Variants in TNIK observed in about 807,000 individuals in gnomAD.
TNIK encodes TRAF2 and NCK interacting kinase.
TNIK carries 49 observed loss-of-function variants against 191.3 expected under a neutral mutation model. That is an observed-to-expected ratio of 0.26 (90% CI 0.20 to 0.32). The LOEUF (loss-of-function observed/expected upper bound fraction) is 0.32. TNIK is among the 10% of genes least tolerant of loss of function. The pLI, the probability that TNIK is intolerant of heterozygous loss-of-function variation, is 1.00. For synonymous variants in TNIK, 594 were observed against 600.9 expected (o/e 0.99, Z 0.17); for missense variants, 1,155 against 1,702.3 (o/e 0.68, Z 5.66).
chr3:171,299,213 C>T (rs1479939837), intron 2 of TNIK, among the ~76,000 whole-genome samples: 1 of 152,174 alleles, frequency 6.6e-6, no homozygotes, highest in Non-Finnish European at 1.5e-5. Context: ...CAGCCGCAGG[C>T]TTCTGTGCCA....
intron 2 of TNIK, among the ~76,000 whole-genome samples, chr3:171,301,056 A>C (rs1219218556): frequency 1.3e-5 from 2 of 152,210 alleles, no homozygotes; most frequent in African/African-American, 4.8e-5. Context: ...CTTACTAATT[A>C]CAAAAAAGCA....
intron 2 of TNIK, among the ~76,000 whole-genome samples, chr3:171,256,650 C>A (rs1746916149): frequency 6.6e-6 from 1 of 152,182 alleles, no homozygotes; most frequent in Non-Finnish European, 1.5e-5. Context: ...GGGTGACTAG[C>A]TGAGGAGTCA....
At chr3:171,271,084 C>T (rs550453625) in intron 2 of TNIK, among the ~76,000 whole-genome samples, 2 of 152,218 alleles carry the variant, frequency 1.3e-5, no homozygotes, top group African/African-American at 2.4e-5. Context: ...AGACTCACTA[C>T]ATCTGAGAGG....
At chr3:171,165,415 C>CAA (rs35708323) in intron 10 of TNIK, among the ~76,000 whole-genome samples, 40 of 72,728 alleles carry the variant, frequency 5.5e-4, no homozygotes, top group Admixed American at 2.3e-3. Flanking sequence ...GAACTCATCT[C>CAA]AAAAAAAAAA....
chr3:171,273,038 G>A (rs1749310181), intron 2 of TNIK, among the ~76,000 whole-genome samples: 1 of 152,218 alleles, frequency 6.6e-6, no homozygotes, highest in African/African-American at 2.4e-5. Context: ...ATGATCAGAA[G>A]CCCATGGCTG....
chr3:171,087,529 A>C, intron 23 of TNIK, 23 bp from the exon 24 acceptor site: 1 of 1,608,734 alleles, frequency 6.2e-7, no homozygotes, highest in South Asian at 1.1e-5. Context: ...AGCACGTGGG[A>C]GGAGTTAGAG....
At chr3:171,365,756 C>A (rs1320050918) in intron 2 of TNIK, among the ~76,000 whole-genome samples, 1 of 152,190 alleles carries the variant, frequency 6.6e-6, no homozygotes, top group African/African-American at 2.4e-5. Flanking sequence ...TATACACACT[C>A]ACAGCATCTG....
At chr3:171,283,487 C>G (rs917853385) in intron 2 of TNIK, among the ~76,000 whole-genome samples, 6 of 152,156 alleles carry the variant, frequency 3.9e-5, no homozygotes, top group Non-Finnish European at 7.4e-5. Context: ...ATCAGCATCA[C>G]CATTCACCAA....
intron 2 of TNIK, among the ~76,000 whole-genome samples, chr3:171,310,115 C>CT: frequency 1.6e-5 from 1 of 63,310 alleles, no homozygotes; most frequent in African/African-American, 4.6e-5. Flanking sequence ...AACATACCTA[C>CT]TTTTTTAAAA....
chr3:171,458,088 C>T (rs1192251034), intron 1 of TNIK, among the ~76,000 whole-genome samples: 2 of 152,114 alleles, frequency 1.3e-5, no homozygotes, highest in Non-Finnish European at 2.9e-5. Context: ...GAGATTCCGG[C>T]CCAGGGAAAT....
chr3:171,275,023 C>G (rs1749557740), intron 2 of TNIK, among the ~76,000 whole-genome samples: 1 of 152,064 alleles, frequency 6.6e-6, no homozygotes, highest in South Asian at 2.1e-4. Context: ...AATCATTAAC[C>G]CCTACCCTAT....
At chr3:171,420,106 G>A (rs1006591220) in intron 1 of TNIK, among the ~76,000 whole-genome samples, 1 of 152,136 alleles carries the variant, frequency 6.6e-6, no homozygotes, top group Non-Finnish European at 1.5e-5. Flanking sequence ...CTGACTGATC[G>A]ACTTAGCCAT....
chr3:171,334,756 C>A (rs1302494043), intron 2 of TNIK, among the ~76,000 whole-genome samples: 3 of 152,130 alleles, frequency 2.0e-5, no homozygotes, highest in Non-Finnish European at 2.9e-5. Context: ...GGGACTACAG[C>A]AAGTTTCTGG....
intron 2 of TNIK, among the ~76,000 whole-genome samples, chr3:171,233,580 AC>A (rs1743928304): frequency 6.6e-6 from 1 of 152,112 alleles, no homozygotes; most frequent in Admixed American, 6.5e-5. Context: ...CCAAAGAGCC[AC>A]CTCACCCAAG....
rs570677878 is a variant in TNIK, at chr3:171,110,912, C to T, written c.2121-35G>A. On this transcript the variant is annotated intron_variant, in intron 18 of 32. Coordinates refer to ENST00000436636, the MANE Select transcript of TNIK (RefSeq NM_015028.4). ...TGACAGAGCACACTGGTTACACTCT[C>T]CAGACCTTGCCAGTTTTGCAGATCA... 73 of 1,523,122 alleles carry T rather than the reference C, an allele frequency of 4.8e-5. 1 individual carries two copies. The East Asian group carries it at 7.4e-4, about 15-fold the overall frequency. The allele number at this position is 1,523,122 out of a possible 1,614,324, so 94.4% of individuals were successfully genotyped here.
At chr3:171,092,279 G>A (rs148384884) in intron 23 of TNIK, among the ~76,000 whole-genome samples, 228 of 152,242 alleles carry the variant, frequency 1.5e-3, no homozygotes, top group Non-Finnish European at 2.2e-3. Context: ...ACAGGTTGTG[G>A]TCATAGAATA....
chr3:171,123,284 G>A (rs1728008581), intron 18 of TNIK, among the ~76,000 whole-genome samples: 1 of 152,186 alleles, frequency 6.6e-6, no homozygotes, highest in Non-Finnish European at 1.5e-5. Context: ...ATGCTTTAGG[G>A]CATTGCAACC....
intron 9 of TNIK, among the ~76,000 whole-genome samples, chr3:171,172,505 C>T (rs1735423170): frequency 1.3e-5 from 2 of 152,126 alleles, no homozygotes; most frequent in South Asian, 4.1e-4. Flanking sequence ...TCACTTTGGA[C>T]CTGCGCTTTC....
At chr3:171,305,700 A>G (rs1753377472) in intron 2 of TNIK, among the ~76,000 whole-genome samples, 1 of 152,214 alleles carries the variant, frequency 6.6e-6, no homozygotes, top group African/African-American at 2.4e-5. Flanking sequence ...CTACTGTTAA[A>G]AAGTAAAAAA....
Sources: allele counts gnomAD v4.1 joint callset (sites outside exome capture counted in the v4.1 genomes callset), GRCh38; gene constraint gnomAD v4.1.1; transcripts MANE v1.5; gene names NCBI Gene and HGNC (gene_info 2026-07-23, HGNC 2026-07-21).